The following LANCL1 variants were observed in gnomAD, a reference collection of about 807,000 sequenced individuals.
The protein encoded by LANCL1 is LanC like glutathione S-transferase 1.
In LANCL1, 50 loss-of-function variants were observed where a neutral mutation model predicts 50.6. That is an observed-to-expected ratio of 0.99 (90% CI 0.79 to 1.25). The LOEUF is 1.25. Among genes scored for constraint, LANCL1 ranks in the 50% most tolerant of loss-of-function variants. The pLI, the probability that LANCL1 is intolerant of heterozygous loss-of-function variation, is 0.00. For missense variants in LANCL1, 532 were observed against 480.7 expected (o/e 1.11, Z -1.00); for synonymous variants, 188 against 178.6 (o/e 1.05, Z -0.42).
chr2:210,450,940 G>A (rs1190133440), intron 4 of LANCL1, among the ~76,000 whole-genome samples: 1 of 152,188 alleles, frequency 6.6e-6, no homozygotes, highest in Non-Finnish European at 1.5e-5. Flanking sequence ...CAAGGATCTA[G>A]AGCCAGAAAT....
chr2:210,450,666 A>AC (rs1693485602), intron 4 of LANCL1, among the ~76,000 whole-genome samples: 1 of 152,236 alleles, frequency 6.6e-6, no homozygotes, highest in Admixed American at 6.5e-5. Context: ...AAAAGTGGGC[A>AC]AAAGATATGA....
chr2:210,457,399 C>A (rs1044606346), intron 3 of LANCL1, among the ~76,000 whole-genome samples: 5 of 152,012 alleles, frequency 3.3e-5, no homozygotes, highest in South Asian at 2.1e-4. Flanking sequence ...TCTTTATGGT[C>A]CTCAACTGTT....
At chr2:210,464,508 G>T (rs371125596) in intron 3 of LANCL1, among the ~76,000 whole-genome samples, 6 of 151,752 alleles carry the variant, frequency 4.0e-5, no homozygotes, top group Non-Finnish European at 8.8e-5. Context: ...GGCTTCTGTC[G>T]ACAATTTGAA....
intron 2 of LANCL1, among the ~76,000 whole-genome samples, chr2:210,475,931 C>T (rs2287420): frequency 0.42 from 63,929 of 152,034 alleles, 15,021 homozygotes; most frequent in East Asian, 0.61. Context: ...CTCATCATTA[C>T]CCTGAACGCA....
At chr2:210,444,873 T>G (rs1480335285) in intron 4 of LANCL1, among the ~76,000 whole-genome samples, 1 of 152,130 alleles carries the variant, frequency 6.6e-6, no homozygotes, top group African/African-American at 2.4e-5. Flanking sequence ...ACTCCCTTAA[T>G]TTTTAAAAGT....
chr2:210,434,277 ATTAAAG>A lies in LANCL1; in HGVS notation c.*204_*209del. 2.0e-6 allele frequency: 1 copy of A among 495,524 alleles called. No homozygotes were observed. Among genetic ancestry groups the A allele is most frequent in the Non-Finnish European group, 3.6e-6 (1 of 279,670 alleles). The allele number at this position is 495,524 out of a possible 1,614,324, so 30.7% of individuals were successfully genotyped here. On this transcript the variant is annotated 3_prime_UTR_variant, in exon 10 of 10. Coordinates refer to ENST00000450366, the MANE Select transcript of LANCL1 (RefSeq NM_006055.3). ...ACTCTCCCTTTAGGAAGAAATGGAA[ATTAAAG>A]TTAAAAGACTTCCTTGGATACTTCT... is the stretch of plus-strand genomic sequence containing the variant.
chr2:210,455,360 T>G, intron 3 of LANCL1, 46 bp from the exon 4 acceptor site: 1 of 1,503,694 alleles, frequency 6.7e-7, no homozygotes. Context: ...GAAAGGCAGT[T>G]ATTTTATTAT....
At chr2:210,450,221 C>T (rs186308896) in intron 4 of LANCL1, among the ~76,000 whole-genome samples, 4 of 152,096 alleles carry the variant, frequency 2.6e-5, no homozygotes, top group Admixed American at 6.5e-5. Flanking sequence ...TTTGACAAAC[C>T]TGACAAAAAT....
chr2:210,471,882 C>A, intron 3 of LANCL1, 77 bp downstream of exon 3: 9 of 1,013,488 alleles, frequency 8.9e-6, no homozygotes, highest in Non-Finnish European at 1.4e-5. Flanking sequence ...GTGTACCATT[C>A]AGACAGACAG....
At chr2:210,452,880 G>T (rs1248143937) in intron 4 of LANCL1, among the ~76,000 whole-genome samples, 2 of 152,040 alleles carry the variant, frequency 1.3e-5, no homozygotes, top group African/African-American at 2.4e-5. Flanking sequence ...ATGTGAGCGT[G>T]GGATCTCAAA....
At position 210,436,372 on chromosome 2, in the gene LANCL1, A is replaced by C; in HGVS notation, c.894T>G (p.Tyr298Ter). Reference sequence around the variant, plus strand: ...CAGCACACTGATAGGCATCACAGAGATACTTTTCCTCTCTGAATACCTGCA... The same window carrying C: ...CAGCACACTGATAGGCATCACAGAGCTACTTTTCCTCTCTGAATACCTGCA... ...QAYKVFREEKYLCDAYQCADV... is the reference protein window; with the variant it reads ...QAYKVFREEK The change falls in exon 8 of 10, where the codon TAT becomes TAG. Residue 298 changes from tyrosine (Y) to a stop codon, truncating the protein, a stop_gained. Coordinates refer to ENST00000450366, the MANE Select transcript of LANCL1 (RefSeq NM_006055.3). LOFTEE classifies it high-confidence loss of function. 6.2e-7 allele frequency: 1 copy of C among 1,613,996 alleles called. No homozygotes were observed. The highest frequency in any genetic ancestry group is 8.5e-7 in the Non-Finnish European group (1 of 1,179,918).
intron 3 of LANCL1, among the ~76,000 whole-genome samples, chr2:210,466,419 C>T (rs553474697): frequency 1.1e-3 from 166 of 152,288 alleles, no homozygotes; most frequent in Non-Finnish European, 1.9e-3. Flanking sequence ...GCCCCGGCCC[C>T]GTGAATGCCT....
Position 210,435,422 on chromosome 2 carries a change from C to G in LANCL1, c.1088G>C (p.Cys363Ser). 1 of 1,613,602 alleles carries G rather than the reference C, an allele frequency of 6.2e-7. No homozygotes were observed. The highest frequency in any genetic ancestry group is 8.5e-7 in the Non-Finnish European group (1 of 1,179,618). ...AGAGAAAGGGGTGTCTGGTGTTCTG[C>G]ATCCATGTTCTCCATACTCTAAGCA... is the stretch of plus-strand genomic sequence containing the variant. ...EWCLEYGEHG[C>S]RTPDTPFSLF... The change falls in exon 9 of 10, where the codon TGC becomes TCC. Residue 363 changes from cysteine (C) to serine (S), a missense_variant. Physicochemically the swap from Cys to Ser is moderately radical, Grantham distance 112. Coordinates refer to ENST00000450366, the MANE Select transcript of LANCL1 (RefSeq NM_006055.3).
rs566355192 is a variant in LANCL1, at chr2:210,433,217, T to G, written c.*1270A>C. The stretch of plus-strand genomic sequence containing the variant: ...CAGTAATAGAAAGAGTAGAAGCTGA[T>G]GAGTCAAAACACTTGAACAGAATTT... On this transcript the variant is annotated 3_prime_UTR_variant, in exon 10 of 10. Coordinates refer to ENST00000450366, the MANE Select transcript of LANCL1 (RefSeq NM_006055.3). The G allele has an allele frequency of 2.6e-5, 4 of 152,674 alleles. No homozygotes were observed. Among genetic ancestry groups the G allele is most frequent in the African/African-American group, 9.6e-5 (4 of 41,568 alleles). The allele number at this position is 152,674 out of a possible 1,614,324, so 9.5% of individuals were successfully genotyped here.
chr2:210,441,214 A>G, intron 5 of LANCL1, 94 bp downstream of exon 5: 1 of 1,247,574 alleles, frequency 8.0e-7, no homozygotes, highest in Non-Finnish European at 1.1e-6. Context: ...CTTTATATGG[A>G]ATGTGCTAAC....
chr2:210,476,465 G>A, intron 1 of LANCL1, 53 bp from the exon 2 acceptor site: 1 of 1,457,808 alleles, frequency 6.9e-7, no homozygotes, highest in Non-Finnish European at 9.0e-7. Flanking sequence ...CCTCGGCCGA[G>A]TTGCGAGGGC....
chr2:210,465,035 A>G (rs1694005095), intron 3 of LANCL1, among the ~76,000 whole-genome samples: 1 of 152,094 alleles, frequency 6.6e-6, no homozygotes, highest in Non-Finnish European at 1.5e-5. Context: ...CAGTCAAGAG[A>G]GATGTCAAAA....
intron 4 of LANCL1, among the ~76,000 whole-genome samples, chr2:210,452,690 A>C (rs1693546784): frequency 6.6e-6 from 1 of 152,130 alleles, no homozygotes; most frequent in Non-Finnish European, 1.5e-5. Context: ...GGAAACACTG[A>C]TTTCCTTGGA....
At chr2:210,462,032 T>C (rs1693880003) in intron 3 of LANCL1, among the ~76,000 whole-genome samples, 2 of 152,232 alleles carry the variant, frequency 1.3e-5, no homozygotes, top group Admixed American at 6.5e-5. Context: ...TTCCATTTTA[T>C]AAAGCACTTT....
Sources: allele counts gnomAD v4.1 joint callset (sites outside exome capture counted in the v4.1 genomes callset), GRCh38; gene constraint gnomAD v4.1.1; transcripts MANE v1.5; gene names NCBI Gene and HGNC (gene_info 2026-07-23, HGNC 2026-07-21).